MED1: variants seen among roughly 807,000 people sequenced by gnomAD.
The protein encoded by MED1 is mediator complex subunit 1.
A neutral mutation model predicts 121.3 loss-of-function variants in MED1; 17 were observed. That is an observed-to-expected ratio of 0.14 (90% CI 0.10 to 0.21). The LOEUF is 0.21. MED1 is among the 10% of genes least tolerant of loss of function. MED1 has a pLI of 1.00. For synonymous variants in MED1, 661 were observed against 694.4 expected (o/e 0.95, Z 0.76); for missense variants, 1,558 against 1,919.4 (o/e 0.81, Z 3.52).
intron 11 of MED1, 97 bp from the exon 12 acceptor site, chr17:39,423,918 TA>T: frequency 1.5e-6 from 2 of 1,368,630 alleles, no homozygotes; most frequent in Non-Finnish European, 1.9e-6. Context: ...TTTTCCCTCT[TA>T]ATGCCCAGGC....
At position 39,423,344 on chromosome 17, in the gene MED1, T is replaced by G; in HGVS notation, c.1078A>C (p.Asn360His). Residue 360 changes from asparagine to histidine, a missense_variant, in exon 13 of 17, where the codon AAC becomes CAC. Coordinates refer to ENST00000300651, the MANE Select transcript of MED1 (RefSeq NM_004774.4). ...KDPDPIPLNHNMRFYAALPGQ... is the reference protein window; with the variant it reads ...KDPDPIPLNHHMRFYAALPGQ... ...TTACTTACAGCATAAAATCTCATGT[T>G]GTGATTCAAAGGTATGGGGTCAGGG... is the stretch of plus-strand genomic sequence containing the variant. 1 of 1,607,928 alleles carries G rather than the reference T, an allele frequency of 6.2e-7. No individual in the cohort carries two copies. The highest frequency in any genetic ancestry group is 8.5e-7 in the Non-Finnish European group (1 of 1,174,402).
chr17:39,406,762 C>T lies in MED1; in HGVS notation c.*713G>A, dbSNP rs1239793749. The T allele has an allele frequency of 8.1e-6, 8 of 985,402 alleles. No homozygotes were observed. The highest frequency in any genetic ancestry group is 8.4e-6 in the Non-Finnish European group (7 of 829,918). 61.0% of individuals were successfully genotyped at this position (985,402 alleles called of 1,614,324 possible). A position where few individuals can be genotyped will look rare whatever the true frequency, so the allele number is the denominator to read the frequency against. On this transcript the variant is annotated 3_prime_UTR_variant, in exon 17 of 17. Transcript: ENST00000300651. ...CTTGATGCTACAGTATTAGCACAAGCTATAAGCTCCCTACCACCATATAAG... is the reference window on the plus strand; with the variant it reads ...CTTGATGCTACAGTATTAGCACAAGTTATAAGCTCCCTACCACCATATAAG...
chr17:39,423,587 A>C (rs1397139464), intron 12 of MED1, 110 bp downstream of exon 12: 2 of 1,497,492 alleles, frequency 1.3e-6, no homozygotes, highest in Non-Finnish European at 1.9e-6. Context: ...CATCTTTACC[A>C]GTAATACTTC....
chr17:39,412,533 CT>C (rs1170139893), intron 16 of MED1, among the ~76,000 whole-genome samples: 6,314 of 102,278 alleles, frequency 0.062, 398 homozygotes, highest in African/African-American at 0.2. Context: ...GCAAATTTTT[CT>C]TTTTTTTTTT....
At chr17:39,425,268 G>A (rs1348090911) in intron 10 of MED1, among the ~76,000 whole-genome samples, 1 of 152,064 alleles carries the variant, frequency 6.6e-6, no homozygotes, top group Admixed American at 6.6e-5. Flanking sequence ...TCGACTCACT[G>A]CAATCTCCAC....
rs1412625083 is a variant in MED1 at position 39,440,028 on chromosome 17, AAGAAAGAG to A, written c.399+350_399+357del. 6.7e-6 allele frequency among the ~76,000 whole-genome samples: 1 copy of A among 149,792 alleles called. No individual in the cohort carries two copies. The highest frequency in any genetic ancestry group is 1.5e-5 in the Non-Finnish European group (1 of 67,450). The stretch of plus-strand genomic sequence containing the variant: ...AAGGAAGGAAGGAAGGAAAGAAAGA[AAGAAAGAG>A]AGAAAGAGAAAGAAAGAAAAGAAAG... On this transcript the variant is annotated intron_variant, in intron 5 of 16. Transcript: ENST00000300651. The surrounding 1 kb of genome is among the most constrained non-coding windows in gnomAD (Gnocchi z 4.1).
intron 2 of MED1, among the ~76,000 whole-genome samples, chr17:39,446,105 T>C (rs886487043): frequency 6.7e-6 from 1 of 149,304 alleles, no homozygotes; most frequent in African/African-American, 2.5e-5. Flanking sequence ...GAGGCCAAAG[T>C]GGGTGGATCA....
chr17:39,413,324 G>A (rs779607271), intron 16 of MED1, among the ~76,000 whole-genome samples: 3 of 151,954 alleles, frequency 2.0e-5, no homozygotes, highest in Middle Eastern at 3.2e-3. Context: ...GAACAGTGGC[G>A]CAATCTTGGC....
intron 2 of MED1, among the ~76,000 whole-genome samples, chr17:39,446,198 C>T (rs1315114961): frequency 6.6e-6 from 1 of 152,012 alleles, no homozygotes; most frequent in East Asian, 1.9e-4. Flanking sequence ...CGCCTGTAAT[C>T]CCAGCACTTT....
chr17:39,431,972 T>C lies in MED1; in HGVS notation c.545A>G (p.Gln182Arg), dbSNP rs2048568959. 5 of 1,607,836 alleles carry C rather than the reference T, an allele frequency of 3.1e-6. No homozygotes were observed. The highest frequency in any genetic ancestry group is 2.2e-5 in the East Asian group (1 of 44,870). Residue 182 changes from glutamine to arginine, a missense_variant, in exon 8 of 17, where the codon CAA becomes CGA. Around this residue, in one of 5 missense-constraint regions of MED1, gnomAD observed 443 missense variants for 532.4 expected, o/e 0.83. Transcript: ENST00000300651. ...KMYLALQSLE[Q>R]DLSKMAIMYW... ...CATAATTGCCATTTTAGAAAGATCT[T>C]GTTCTAAGGATTGGAGAGCCAAGTA...
chr17:39,447,292 G>A (rs1309907963), intron 2 of MED1, among the ~76,000 whole-genome samples: 3 of 151,812 alleles, frequency 2.0e-5, no homozygotes, highest in Non-Finnish European at 4.4e-5. Flanking sequence ...TCGGGAGGCT[G>A]AGGCAGAAGA....
At position 39,407,341 on chromosome 17, in the gene MED1, T is replaced by G; in HGVS notation, c.*134A>C. On this transcript the variant is annotated 3_prime_UTR_variant, in exon 17 of 17. Coordinates refer to ENST00000300651, the MANE Select transcript of MED1 (RefSeq NM_004774.4). ...ATATGCCTTTCTAATTCACCCAGCT[T>G]GATGTCAAAGCCATGCCATTTAGGA... The G allele has an allele frequency of 7.0e-7, 1 of 1,423,378 alleles. No individual in the cohort carries two copies. The highest frequency in any genetic ancestry group is 9.1e-7 in the Non-Finnish European group (1 of 1,093,006). The allele number at this position is 1,423,378 out of a possible 1,614,324, so 88.2% of individuals were successfully genotyped here.
chr17:39,424,494 G>A lies in MED1; in HGVS notation c.851+133C>T, dbSNP rs938652812. On this transcript the variant is annotated intron_variant, in intron 11 of 16. Coordinates refer to ENST00000300651, the MANE Select transcript of MED1 (RefSeq NM_004774.4). ...GAACACTCAGATATCAAACAAAAGA[G>A]AAACCAATGAATGGATAAAACAAAA... is the stretch of plus-strand genomic sequence containing the variant. 4.9e-6 allele frequency: 3 copies of A among 613,502 alleles called. No individual in the cohort carries two copies. The Admixed American group carries it at 1.0e-4, about 21-fold the overall frequency. The allele number at this position is 613,502 out of a possible 1,614,324, so 38.0% of individuals were successfully genotyped here. A position where few individuals can be genotyped will look rare whatever the true frequency, so the allele number is the denominator to read the frequency against.
intron 10 of MED1, among the ~76,000 whole-genome samples, chr17:39,425,132 G>C (rs2048503390): frequency 6.6e-6 from 1 of 152,036 alleles, no homozygotes; most frequent in Admixed American, 6.6e-5. Flanking sequence ...GCCCATCTTG[G>C]CCTCCCGAAG....
chr17:39,426,100 G>A (rs908736048), intron 10 of MED1, among the ~76,000 whole-genome samples: 2 of 151,260 alleles, frequency 1.3e-5, no homozygotes, highest in Non-Finnish European at 1.5e-5. Context: ...ATCACTGTAC[G>A]CCAGCCTGGG....
rs770447056 is a variant in MED1 at position 39,423,818 on chromosome 17, G to A, written c.855C>T (p.Thr285=). The A allele has an allele frequency of 3.8e-6, 6 of 1,597,948 alleles. No individual in the cohort carries two copies. The South Asian group carries it at 5.7e-5, about 15-fold the overall frequency. ...CACTGGTGATTGAGGAGAAGGAAGG[G>A]GTCCTTCAAAAAAAAGAGGGTGGAA... The part of the protein sequence containing the change: ...MGSHPVDNKW[T]PSFSSITSAN... Residue 285 remains threonine, a synonymous_variant, in exon 12 of 17, where the codon ACC becomes ACT. Transcript: ENST00000300651.
chr17:39,444,505 C>CA (rs541935185), intron 2 of MED1, among the ~76,000 whole-genome samples: 92 of 127,720 alleles, frequency 7.2e-4, no homozygotes, highest in East Asian at 6.5e-3. Flanking sequence ...GACTCTGTCT[C>CA]AAAAAAAAAA....
intron 16 of MED1, among the ~76,000 whole-genome samples, chr17:39,414,634 CTTTTTTTTTTTTTTTTT>C (rs55829399): frequency 1.8e-4 from 11 of 61,560 alleles, no homozygotes; most frequent in African/African-American, 2.6e-4. Flanking sequence ...CAGGCCCGGC[CTTTTTTTTTTTTTTTTT>C]TTTTTTTTTT....
intron 10 of MED1, among the ~76,000 whole-genome samples, chr17:39,425,625 A>C (rs2048507623): frequency 6.6e-6 from 1 of 152,048 alleles, no homozygotes; most frequent in Admixed American, 6.6e-5. Flanking sequence ...AAGACGGTGA[A>C]ACCGCATCTC....
Sources: allele counts gnomAD v4.1 joint callset (sites outside exome capture counted in the v4.1 genomes callset), GRCh38; gene constraint gnomAD v4.1.1; regional missense constraint gnomAD v4.1.1; non-coding constraint Gnocchi (gnomAD v3.1); transcripts MANE v1.5; gene names NCBI Gene and HGNC (gene_info 2026-07-23, HGNC 2026-07-21).